OXNAD1: variants seen among roughly 807,000 people sequenced by gnomAD.
OXNAD1 encodes oxidoreductase NAD binding domain containing 1, also known as oxidoreductase NAD-binding domain-containing protein 1.
OXNAD1 carries 34 observed loss-of-function variants against 32.9 expected under a neutral mutation model. The observed-to-expected ratio is 1.03, with a 90% CI of 0.79 to 1.38. The LOEUF is 1.38. OXNAD1 is among the 40% of genes most tolerant of loss of function. The probability of loss-of-function intolerance (pLI) is 0.00; values close to 1 mark genes in which losing one functional copy is unlikely to be tolerated. For synonymous variants in OXNAD1, 134 were observed against 135.2 expected (o/e 0.99, Z 0.06); for missense variants, 407 against 379.4 (o/e 1.07, Z -0.60).
chr3:16,295,043 C>A, intron 6 of OXNAD1, 46 bp downstream of exon 6: 1 of 1,546,154 alleles, frequency 6.5e-7, no homozygotes, highest in South Asian at 1.3e-5. Flanking sequence ...GTATCTCTGC[C>A]ACCCACAAAA....
chr3:16,308,452 A>G (rs1255216288), downstream of OXNAD1, among the ~76,000 whole-genome samples: 4 of 148,226 alleles, frequency 2.7e-5, no homozygotes, highest in African/African-American at 7.4e-5. The surrounding 1 kb of genome is among the most constrained non-coding windows in gnomAD (Gnocchi z 4.4). Context: ...TGTTGCTCCT[A>G]TTTTTTTTTT....
rs771013209 is a variant in OXNAD1 at position 16,301,618 on chromosome 3, T to C, written c.433-8T>C. 1.7e-5 allele frequency: 27 copies of C among 1,613,370 alleles called. No homozygotes were observed. In the African/African-American group the frequency reaches 3.6e-4, roughly 22 times the overall value. On this transcript the variant is annotated splice_region_variant and splice_polypyrimidine_tract_variant and intron_variant, in intron 6 of 8. Coordinates refer to ENST00000285083, the MANE Select transcript of OXNAD1 (RefSeq NM_138381.5). The surrounding 1 kb of genome is among the most constrained non-coding windows in gnomAD (Gnocchi z 4.1). The stretch of plus-strand genomic sequence containing the variant: ...AAAGACTAAAAGGTCTTTTCTTTCC[T>C]GCCTTAGTGTACACTTGACTGTGAA...
chr3:16,349,352 G>A (rs1390733873), exon 10 of OXNAD1: 1 of 152,214 alleles, frequency 6.6e-6, no homozygotes, highest in African/African-American at 2.4e-5. Flanking sequence ...CTGTAGAGAT[G>A]GATGAGTGTG....
rs750789952 is a variant in OXNAD1 at position 16,302,760 on chromosome 3, A to G, written c.784+12A>G. On this transcript the variant is annotated intron_variant, in intron 8 of 8. Transcript: ENST00000285083. This position sits in a 1 kb window ranked among gnomAD's most constrained non-coding sequence, Gnocchi z 4.2. ...GCCATACATCACGGGTGAGTCCCCT[A>G]AAGATATTTTGACTATCTCCATGCA... 5.0e-6 allele frequency: 8 copies of G among 1,586,058 alleles called. No individual in the cohort carries two copies. Among genetic ancestry groups the G allele is most frequent in the South Asian group, 3.3e-5 (3 of 89,854 alleles).
chr3:16,323,234 G>A (rs761944901), intron 9 of OXNAD1: 7 of 629,688 alleles, frequency 1.1e-5, no homozygotes, highest in Admixed American at 5.9e-5. Context: ...GATGTGATTC[G>A]GGTTGCCAGG....
In OXNAD1 at chr3:16,342,837, CCTGG is replaced by C. The variant is rs1559839561; in HGVS notation, c.*31-6335_*31-6332del. 1.3e-5 allele frequency among the ~76,000 whole-genome samples: 2 copies of C among 152,092 alleles called. No homozygotes were observed. The highest frequency in any genetic ancestry group is 2.9e-5 in the Non-Finnish European group (2 of 68,002). ...GACCTCTAGTCCAGTGGCTGCTAGG[CCTGG>C]CTGAATTTTTTACATGCAGTTCCCT... On this transcript the variant is annotated intron_variant, in intron 9 of 9. Transcript: ENST00000606098. The surrounding 1 kb of genome is among the most constrained non-coding windows in gnomAD (Gnocchi z 4.0).
intron 9 of OXNAD1, among the ~76,000 whole-genome samples, chr3:16,331,963 A>T (rs1294930674): frequency 6.6e-6 from 1 of 152,248 alleles, no homozygotes; most frequent in Non-Finnish European, 1.5e-5. Context: ...GATGTCAGCA[A>T]TGCTATTGAG....
In OXNAD1 at chr3:16,290,551, A is replaced by G. The variant is rs1402826371; in HGVS notation, c.290+4103A>G. Among the ~76,000 whole-genome samples, 4 of 152,196 alleles carry G rather than the reference A, an allele frequency of 2.6e-5. No individual in the cohort carries two copies. Among genetic ancestry groups the G allele is most frequent in the Non-Finnish European group, 5.9e-5 (4 of 68,028 alleles). On this transcript the variant is annotated intron_variant, in intron 5 of 8. Transcript: ENST00000285083. The surrounding 1 kb of genome is among the most constrained non-coding windows in gnomAD (Gnocchi z 4.2). Reference sequence around the variant, plus strand: ...GCAAAAGTAGCTTATTAATGTATTTATTTTTTAAACATGGAAATAATGGAG... The same window carrying G: ...GCAAAAGTAGCTTATTAATGTATTTGTTTTTTAAACATGGAAATAATGGAG...
chr3:16,307,613 A>T (rs1013738938), downstream of OXNAD1, among the ~76,000 whole-genome samples: 2 of 152,226 alleles, frequency 1.3e-5, no homozygotes, highest in Non-Finnish European at 2.9e-5. Flanking sequence ...ATTATAATGA[A>T]TATAGATAAT....
In OXNAD1 at chr3:16,348,849, A is replaced by G. The variant is rs565043944; in HGVS notation, c.*31-327A>G. Among the ~76,000 whole-genome samples the G allele has an allele frequency of 9.8e-5, 15 of 152,316 alleles. No homozygotes were observed. The South Asian group carries it at 2.7e-3, about 27-fold the overall frequency. ...AAGCAGGAGGACTGGTTTTGGTCCA[A>G]TAGCCCATCATCTCTGTGTCCTGCC... On this transcript the variant is annotated intron_variant, in intron 9 of 9. Transcript: ENST00000606098. The surrounding 1 kb of genome is among the most constrained non-coding windows in gnomAD (Gnocchi z 6.3).
rs1463305092 is a variant in OXNAD1, at chr3:16,346,749, C to T, written c.*31-2427C>T. Among the ~76,000 whole-genome samples the T allele has an allele frequency of 1.3e-5, 2 of 152,162 alleles. No individual in the cohort carries two copies. Among genetic ancestry groups the T allele is most frequent in the African/African-American group, 2.4e-5 (1 of 41,414 alleles). ...GGACGTGTGGCAGGAAAAAACTGCC[C>T]CGTTCTTCACGGTTGTCATCACATT... On this transcript the variant is annotated intron_variant, in intron 9 of 9. Transcript: ENST00000606098. This position sits in a 1 kb window ranked among gnomAD's most constrained non-coding sequence, Gnocchi z 4.4.
intron 4 of OXNAD1, among the ~76,000 whole-genome samples, chr3:16,278,776 G>A (rs539734504): frequency 1.3e-5 from 2 of 152,350 alleles, no homozygotes; most frequent in South Asian, 2.1e-4. Flanking sequence ...TGATGGCAGA[G>A]TGGTTAGTTA....
At chr3:16,309,191 A>G (rs544904206), downstream of OXNAD1, among the ~76,000 whole-genome samples, 2 of 152,294 alleles carry the variant, frequency 1.3e-5, no homozygotes, top group East Asian at 1.9e-4. Flanking sequence ...ATACTTAACC[A>G]TATCTCCATG....
At chr3:16,333,396 T>C (rs1190077240) in intron 9 of OXNAD1, among the ~76,000 whole-genome samples, 2 of 152,230 alleles carry the variant, frequency 1.3e-5, no homozygotes, top group African/African-American at 2.4e-5. Flanking sequence ...TTTGTATTGA[T>C]TTTGGGATTA....
rs912133390 is a variant in OXNAD1, at chr3:16,346,272, C to T, written c.*31-2904C>T. On this transcript the variant is annotated intron_variant, in intron 9 of 9. Transcript: ENST00000606098. This position sits in a 1 kb window ranked among gnomAD's most constrained non-coding sequence, Gnocchi z 4.4. ...TTCATCATGCTCTCACAGTGGCTGA[C>T]ACACAGTAGGAACTCAATATTTATT... 1.2e-4 allele frequency: 19 copies of T among 152,298 alleles called. No homozygotes were observed. The highest frequency in any genetic ancestry group is 4.3e-4 in the African/African-American group (18 of 41,562). 9.4% of individuals were successfully genotyped at this position (152,298 alleles called of 1,614,324 possible). A position where few individuals can be genotyped will look rare whatever the true frequency, so the allele number is the denominator to read the frequency against.
At chr3:16,300,532 TAG>T (rs1223956835) in intron 6 of OXNAD1, among the ~76,000 whole-genome samples, 2 of 152,248 alleles carry the variant, frequency 1.3e-5, no homozygotes, top group Non-Finnish European at 2.9e-5. Flanking sequence ...TAAAATGAGC[TAG>T]AGTCTAGTCT....
At position 16,271,184 on chromosome 3, in the gene OXNAD1, T is replaced by C. The variant is rs541558803; in HGVS notation, c.119+113T>C. On this transcript the variant is annotated intron_variant, in intron 3 of 8. Coordinates refer to ENST00000285083, the MANE Select transcript of OXNAD1 (RefSeq NM_138381.5). This position sits in a 1 kb window ranked among gnomAD's most constrained non-coding sequence, Gnocchi z 4.6. ...CGGAAAGGTAACACCTTAGCTTCAATGTGCATGCTGTCAGGTTGTTAACCG... is the reference window on the plus strand; with the variant it reads ...CGGAAAGGTAACACCTTAGCTTCAACGTGCATGCTGTCAGGTTGTTAACCG... The C allele has an allele frequency of 7.9e-7, 1 of 1,263,112 alleles. No individual in the cohort carries two copies. The highest frequency in any genetic ancestry group is 2.2e-5 in the Admixed American group (1 of 45,566). 78.2% of individuals were successfully genotyped at this position (1,263,112 alleles called of 1,614,324 possible).
chr3:16,326,682 A>C, intron 9 of OXNAD1: 1 of 943,224 alleles, frequency 1.1e-6, no homozygotes. Flanking sequence ...CACAGGATTA[A>C]ATAATTTATA....
In OXNAD1 at chr3:16,289,953, G is replaced by C. The variant is rs925126769; in HGVS notation, c.290+3505G>C. Among the ~76,000 whole-genome samples, 1 of 152,204 alleles carries C rather than the reference G, an allele frequency of 6.6e-6. No homozygotes were observed. The highest frequency in any genetic ancestry group is 1.5e-5 in the Non-Finnish European group (1 of 68,032). On this transcript the variant is annotated intron_variant, in intron 5 of 8. Transcript: ENST00000285083. This position sits in a 1 kb window ranked among gnomAD's most constrained non-coding sequence, Gnocchi z 4.9. The stretch of plus-strand genomic sequence containing the variant: ...ATGTGCATCTTTGTACCTCCAGCAA[G>C]TACCACAGTGCCTGTATATGGTAGG...
Sources: allele counts gnomAD v4.1 joint callset (sites outside exome capture counted in the v4.1 genomes callset), GRCh38; gene constraint gnomAD v4.1.1; non-coding constraint Gnocchi (gnomAD v3.1); transcripts MANE v1.5; gene names NCBI Gene and HGNC (gene_info 2026-07-23, HGNC 2026-07-21).